Variants in HIBCH observed in about 807,000 individuals in gnomAD.
The protein encoded by HIBCH is 3-hydroxyisobutyryl-CoA hydrolase, mitochondrial.
Under a neutral mutation model 58.2 loss-of-function variants are expected in HIBCH, and 50 were observed. The ratio of observed to expected loss-of-function variants is 0.86; its 90% confidence interval spans 0.68 to 1.09. HIBCH has a LOEUF of 1.09. Ranked by LOEUF, HIBCH falls within the 50% of genes least tolerant of loss-of-function variation. The probability of loss-of-function intolerance (pLI) is 0.00; values close to 1 mark genes in which losing one functional copy is unlikely to be tolerated. For missense variants in HIBCH, 450 were observed against 449.7 expected (o/e 1.00, Z -0.01); for synonymous variants, 151 against 146.9 (o/e 1.03, Z -0.20).
chr2:190,258,474 T>C (rs780237422), intron 7 of HIBCH, among the ~76,000 whole-genome samples: 2 of 152,216 alleles, frequency 1.3e-5, no homozygotes, highest in Non-Finnish European at 2.9e-5. Flanking sequence ...TTGGAATAGG[T>C]TGCCTCTTTA....
chr2:190,208,377 C>T (rs1690441710), intron 13 of HIBCH, among the ~76,000 whole-genome samples: 1 of 152,138 alleles, frequency 6.6e-6, no homozygotes, highest in South Asian at 2.1e-4. Flanking sequence ...AGGATGGCAG[C>T]AGGATGAGTT....
intron 1 of HIBCH, among the ~76,000 whole-genome samples, chr2:190,193,551 G>T (rs1021792610): frequency 7.9e-5 from 12 of 152,010 alleles, no homozygotes; most frequent in African/African-American, 2.9e-4. Flanking sequence ...TTTCTTTTTG[G>T]AAAGATTTAC....
rs533965039 is a variant in HIBCH, at chr2:190,196,059, T to C, written c.*18-6062A>G. ...TAGTCTGATCATCTCTGCCTTTCAA[T>C]TGTTATTTTTAGTCCATTTTCTTTC... On this transcript the variant is annotated intron_variant, in intron 1 of 1. Transcript: ENST00000399855. 4.9e-4 allele frequency among the ~76,000 whole-genome samples: 66 copies of C among 134,128 alleles called. 1 individual carries two copies. The highest frequency in any genetic ancestry group is 1.6e-3 in the African/African-American group (60 of 36,556). The allele number at this position is 134,128 out of a possible 152,430, so 88.0% of individuals were successfully genotyped here. A position where few individuals can be genotyped will look rare whatever the true frequency, so the allele number is the denominator to read the frequency against.
rs80107708 is a variant in HIBCH, at chr2:190,208,167, C to T, written c.1045+713G>A. ...AGCAAAATGGAAAGTATTAATAAGA[C>T]AATCTGCAGATGTTACTAATGACAT... On this transcript the variant is annotated intron_variant, in intron 13 of 13. Transcript: ENST00000359678. Among the ~76,000 whole-genome samples, 25 of 152,292 alleles carry T rather than the reference C, an allele frequency of 1.6e-4. No homozygotes were observed. The East Asian group carries it at 4.4e-3, about 27-fold the overall frequency.
chr2:190,199,606 C>A, downstream of HIBCH: 1 of 693,850 alleles, frequency 1.4e-6, no homozygotes, highest in Non-Finnish European at 2.0e-6. Flanking sequence ...TTCCATGTGA[C>A]CAAAGTGATG....
intron 11 of HIBCH, among the ~76,000 whole-genome samples, chr2:190,228,557 A>AG (rs57154388): frequency 0.28 from 42,236 of 151,616 alleles, 6,460 homozygotes; most frequent in East Asian, 0.45. Flanking sequence ...ATTAAAAAAA[A>AG]AGAGAGAGAG....
rs1289895847 is a variant in HIBCH, at chr2:190,274,388, A to AT, written c.439-13155dup. ...AACATAATCTGATTCAGTAGTTCCC[A>AT]TTTAACAGAGCACTAGTCAACTTTC... On this transcript the variant is annotated intron_variant, in intron 6 of 13. Coordinates refer to ENST00000359678, the MANE Select transcript of HIBCH (RefSeq NM_014362.4). 1.1e-4 allele frequency among the ~76,000 whole-genome samples: 17 copies of AT among 152,372 alleles called. 1 individual carries two copies. The highest frequency in any genetic ancestry group is 1.2e-4 in the Non-Finnish European group (8 of 68,040).
Position 190,252,113 on chromosome 2 carries a change from T to A in HIBCH, c.663+49A>T, listed in dbSNP as rs748238919. ...CCCATTGTACCTTCCCATGCACTAT[T>A]TTGTGTTGTTATTCCAACAATACAA... is the stretch of plus-strand genomic sequence containing the variant. On this transcript the variant is annotated intron_variant, in intron 8 of 13. Transcript: ENST00000359678. 1.2e-5 allele frequency: 19 copies of A among 1,583,176 alleles called. 1 individual carries two copies. The Admixed American group carries it at 3.0e-4, about 25-fold the overall frequency.
chr2:190,305,312 G>C (rs925712420), intron 2 of HIBCH, among the ~76,000 whole-genome samples: 1 of 152,096 alleles, frequency 6.6e-6, no homozygotes, highest in Non-Finnish European at 1.5e-5. Context: ...TCACAGTTCT[G>C]AAGGCTGCAA....
At chr2:190,242,184 T>G (rs1375116601) in intron 11 of HIBCH, among the ~76,000 whole-genome samples, 1 of 152,000 alleles carries the variant, frequency 6.6e-6, no homozygotes, top group Non-Finnish European at 1.5e-5. Context: ...TCTCTAATCT[T>G]GTCTTCACAT....
rs1688685563 is a variant in HIBCH, at chr2:190,315,233, G to A, written c.36-4437C>T. On this transcript the variant is annotated intron_variant, in intron 1 of 13. Coordinates refer to ENST00000359678, the MANE Select transcript of HIBCH (RefSeq NM_014362.4). This position sits in a 1 kb window ranked among gnomAD's most constrained non-coding sequence, Gnocchi z 5.4. ...CCCAAAGTGCTGAAATTACAGGCAT[G>A]AGCCACTGTGCCCGGCCTGCTACTT... Among the ~76,000 whole-genome samples, 1 of 152,214 alleles carries A rather than the reference G, an allele frequency of 6.6e-6. No individual in the cohort carries two copies. The highest frequency in any genetic ancestry group is 6.5e-5 in the Admixed American group (1 of 15,280).
chr2:190,240,234 G>A (rs377605394), intron 11 of HIBCH, among the ~76,000 whole-genome samples: 1 of 152,182 alleles, frequency 6.6e-6, no homozygotes, highest in South Asian at 2.1e-4. Context: ...CTGGGAAGGT[G>A]TATGTGTCCA....
At chr2:190,230,097 A>T (rs550319100) in intron 11 of HIBCH, among the ~76,000 whole-genome samples, 4 of 152,302 alleles carry the variant, frequency 2.6e-5, no homozygotes, top group Non-Finnish European at 4.4e-5. Flanking sequence ...CAGTAAAATT[A>T]AAGGGTTTCT....
In HIBCH at chr2:190,205,221, T is replaced by C; in HGVS notation, c.1057A>G (p.Lys353Glu). ...HEGVRAVLIDKDQSPKWKPAD... is the reference protein window; with the variant it reads ...HEGVRAVLIDEDQSPKWKPAD... ...GGTTTCCATTTTGGACTCTGGTCTT[T>C]ATCAATTAAAACTGTCAAGAGAAGA... The change falls in exon 14 of 14, where the codon AAA (lysine) becomes GAA (glutamate). Residue 353 changes from lysine (K) to glutamate (E), a missense_variant. Lys to Glu is a moderately conservative substitution (Grantham distance 56). Transcript: ENST00000359678. 1 of 1,564,996 alleles carries C rather than the reference T, an allele frequency of 6.4e-7. No homozygotes were observed. Among genetic ancestry groups the C allele is most frequent in the South Asian group, 1.1e-5 (1 of 89,992 alleles).
At chr2:190,274,334 A>G (rs1419944974) in intron 6 of HIBCH, among the ~76,000 whole-genome samples, 1 of 152,238 alleles carries the variant, frequency 6.6e-6, no homozygotes, top group South Asian at 2.1e-4. Context: ...AAATAAGAAC[A>G]TGTCTTCAAT....
At chr2:190,308,359 G>GC (rs560867228) in intron 2 of HIBCH, among the ~76,000 whole-genome samples, 1 of 152,086 alleles carries the variant, frequency 6.6e-6, no homozygotes, top group Non-Finnish European at 1.5e-5. Flanking sequence ...TCGAGTATTT[G>GC]CCCCCTCCCA....
chr2:190,302,218 G>A (rs1688282066), intron 2 of HIBCH, among the ~76,000 whole-genome samples: 1 of 152,210 alleles, frequency 6.6e-6, no homozygotes. Context: ...CCAAGAGCAA[G>A]CACTTCTAGT....
At chr2:190,298,284 T>A (rs920280903) in intron 2 of HIBCH, among the ~76,000 whole-genome samples, 1 of 152,136 alleles carries the variant, frequency 6.6e-6, no homozygotes, top group African/African-American at 2.4e-5. Flanking sequence ...AATGGGATTG[T>A]GGGGTCAAAC....
At position 190,209,847 on chromosome 2, in the gene HIBCH, CTA is replaced by C. The variant is rs774781168; in HGVS notation, c.1012-936_1012-935del. Reference sequence around the variant, plus strand: ...TCACATCCTGATAGCTACATATTAACTATGTGACCTCGGACTAGTAATTTCTC... The same window carrying C: ...TCACATCCTGATAGCTACATATTAACTGTGACCTCGGACTAGTAATTTCTC... On this transcript the variant is annotated intron_variant, in intron 12 of 13. Coordinates refer to ENST00000359678, the MANE Select transcript of HIBCH (RefSeq NM_014362.4). The surrounding 1 kb of genome is among the most constrained non-coding windows in gnomAD (Gnocchi z 5.6). 6.6e-6 allele frequency among the ~76,000 whole-genome samples: 1 copy of C among 152,220 alleles called. No individual in the cohort carries two copies. The highest frequency in any genetic ancestry group is 1.5e-5 in the Non-Finnish European group (1 of 68,044).
Sources: allele counts gnomAD v4.1 joint callset (sites outside exome capture counted in the v4.1 genomes callset), GRCh38; gene constraint gnomAD v4.1.1; non-coding constraint Gnocchi (gnomAD v3.1); transcripts MANE v1.5; gene names NCBI Gene and HGNC (gene_info 2026-07-23, HGNC 2026-07-21).